EIF2AK1: variants seen among roughly 807,000 people sequenced by gnomAD.
The protein encoded by EIF2AK1 is eukaryotic translation initiation factor 2 alpha kinase 1, also known as eukaryotic translation initiation factor 2-alpha kinase 1.
EIF2AK1 carries 54 observed loss-of-function variants against 77.9 expected under a neutral mutation model. The ratio of observed to expected loss-of-function variants is 0.69; its 90% CI spans 0.56 to 0.87. The LOEUF (loss-of-function observed/expected upper bound fraction) is 0.87, where lower values mean the gene tolerates loss of function less well. EIF2AK1 is among the 40% of genes least tolerant of loss of function. The pLI is 0.00. For synonymous variants in EIF2AK1, 314 were observed against 290.5 expected (o/e 1.08, Z -0.82); for missense variants, 810 against 768.6 (o/e 1.05, Z -0.64).
chr7:6,043,456 T>G (rs908544592), intron 7 of EIF2AK1, among the ~76,000 whole-genome samples: 1 of 151,986 alleles, frequency 6.6e-6, no homozygotes, highest in Non-Finnish European at 1.5e-5. Context: ...TTTGAGGCAG[T>G]CTCGCTCTGT....
chr7:6,052,584 TAAAAA>T lies in EIF2AK1; in HGVS notation c.277+1957_277+1961del, dbSNP rs56106343. The stretch of plus-strand genomic sequence containing the variant: ...ATCTATAAGTTTGAGACTGTTTTGG[TAAAAA>T]AAAAAAAAAAAAAAAAAAGAACCTC... On this transcript the variant is annotated intron_variant, in intron 2 of 14. Coordinates refer to ENST00000199389, the MANE Select transcript of EIF2AK1 (RefSeq NM_014413.4). Among the ~76,000 whole-genome samples the T allele has an allele frequency of 6.5e-3, 635 of 97,138 alleles. 6 individuals are homozygous for T. The highest frequency in any genetic ancestry group is 0.01 in the African/African-American group (249 of 24,820). The allele number at this position is 97,138 out of a possible 152,430, so 63.7% of individuals were successfully genotyped here. A position where few individuals can be genotyped will look rare whatever the true frequency, so the allele number is the denominator to read the frequency against.
At chr7:6,040,401 G>T (rs1057312465) in intron 9 of EIF2AK1, among the ~76,000 whole-genome samples, 1 of 152,068 alleles carries the variant, frequency 6.6e-6, no homozygotes, top group African/African-American at 2.4e-5. Context: ...GGGAAAGCAT[G>T]GTGGCAGCGT....
At chr7:6,030,006 T>C (rs954885476) in intron 11 of EIF2AK1, among the ~76,000 whole-genome samples, 15 of 152,052 alleles carry the variant, frequency 9.9e-5, no homozygotes, top group South Asian at 8.3e-4. Context: ...AAGAAACGAC[T>C]GTCCTGTCGA....
intron 4 of EIF2AK1, 135 bp from the exon 5 acceptor site, chr7:6,047,226 C>A: frequency 1.0e-6 from 1 of 952,444 alleles, no homozygotes; most frequent in Non-Finnish European, 1.7e-6. Flanking sequence ...AAAGGATGGG[C>A]TAAAATGAAA....
chr7:6,026,483 A>G, intron 14 of EIF2AK1: 1 of 661,010 alleles, frequency 1.5e-6, no homozygotes. Context: ...CTCTTTGTGA[A>G]CACCAGCAGA....
Position 6,036,235 on chromosome 7 carries a change from A to AG in EIF2AK1, c.1332+1188_1332+1189insC. On this transcript the variant is annotated intron_variant, in intron 11 of 14. Transcript: ENST00000199389. This position sits in a 1 kb window ranked among gnomAD's most constrained non-coding sequence, Gnocchi z 4.6. ...CTCTTAAGGGACACCCTAATAAAGCAATCGCAAAAACCTTTATCCCTACAG... is the reference window on the plus strand; with the variant it reads ...CTCTTAAGGGACACCCTAATAAAGCAGATCGCAAAAACCTTTATCCCTACAG... The AG allele has an allele frequency of 6.5e-7, 1 of 1,550,216 alleles. No individual in the cohort carries two copies. Among genetic ancestry groups the AG allele is most frequent in the Non-Finnish European group, 8.7e-7 (1 of 1,146,876 alleles).
At chr7:6,058,901 T>C (rs778868750) in intron 1 of EIF2AK1, 65 bp downstream of exon 1, 16 of 1,401,058 alleles carry the variant, frequency 1.1e-5, no homozygotes, top group Admixed American at 5.4e-5. Context: ...AGGGCTGCCT[T>C]TGCCGCCCAG....
intron 14 of EIF2AK1, 38 bp downstream of exon 14, chr7:6,026,690 A>G: frequency 6.4e-7 from 1 of 1,563,576 alleles, no homozygotes; most frequent in Non-Finnish European, 8.8e-7. Context: ...AATAAAAACC[A>G]CCTTCACTCC....
Position 6,058,974 on chromosome 7 carries a change from TC to T in EIF2AK1, c.109del (p.Glu37AsnfsTer14). 6.5e-7 allele frequency: 1 copy of T among 1,536,912 alleles called. No homozygotes were observed. ...IDFPAEGPDPEYDESDVPAEI... is the reference protein window; with the variant it reads ...IDFPAEGPDPXYDESDVPAEI... ...GCGATCCGATCCCTCACCGTCATAT[TC>T]GGGGTCCGGGCCCTCGGCGGGAAAG... On this transcript the variant is annotated frameshift_variant, in exon 1 of 15. Coordinates refer to ENST00000199389, the MANE Select transcript of EIF2AK1 (RefSeq NM_014413.4). LOFTEE classifies it high-confidence loss of function.
intron 1 of EIF2AK1, among the ~76,000 whole-genome samples, chr7:6,057,893 G>A (rs1243716835): frequency 2.0e-5 from 3 of 152,132 alleles, no homozygotes; most frequent in Non-Finnish European, 4.4e-5. Flanking sequence ...GCCTTCCAAA[G>A]TGCTGGATTA....
intron 9 of EIF2AK1, among the ~76,000 whole-genome samples, chr7:6,039,511 C>T (rs1485077039): frequency 2.0e-5 from 3 of 151,362 alleles, no homozygotes; most frequent in Admixed American, 1.3e-4. Context: ...AATCCCACTA[C>T]TCAGGAGGCT....
At chr7:6,029,235 C>A (rs1787831838) in intron 11 of EIF2AK1, among the ~76,000 whole-genome samples, 1 of 152,192 alleles carries the variant, frequency 6.6e-6, no homozygotes, top group African/African-American at 2.4e-5. Context: ...TGCAGTGGCT[C>A]ATGCCTGTAA....
In EIF2AK1 at chr7:6,054,713, T is replaced by G; in HGVS notation, c.119-9A>C. ...TGCTGGAACATCAGATTCTAAAAAT[T>G]AAAAAGGAAAATATTTTTAAATTAA... On this transcript the variant is annotated splice_polypyrimidine_tract_variant and intron_variant, in intron 1 of 14. Coordinates refer to ENST00000199389, the MANE Select transcript of EIF2AK1 (RefSeq NM_014413.4). 1 of 1,609,534 alleles carries G rather than the reference T, an allele frequency of 6.2e-7. No homozygotes were observed.
intron 3 of EIF2AK1, 35 bp from the exon 4 acceptor site, chr7:6,048,879 G>C: frequency 6.8e-7 from 1 of 1,462,680 alleles, no homozygotes; most frequent in South Asian, 1.3e-5. Flanking sequence ...AAAGCATTTT[G>C]AAAACTTGCA....
intron 4 of EIF2AK1, chr7:6,047,986 C>T (rs986877908): frequency 6.6e-6 from 1 of 152,196 alleles, no homozygotes; most frequent in Non-Finnish European, 1.5e-5. Flanking sequence ...CTCAGCCTCC[C>T]AAGTAGCTGG....
In EIF2AK1 at chr7:6,044,609, C is replaced by A; in HGVS notation, c.683G>T (p.Gly228Val). Residue 228 changes from glycine to valine, a missense_variant, in exon 7 of 15, where the codon GGC becomes GTC. By Grantham distance (109) the Gly-to-Val change is moderately radical. Around this residue, in one of 3 missense-constraint regions of EIF2AK1, gnomAD observed 549 missense variants for 533.7 expected, o/e 1.03. Transcript: ENST00000199389. ...ATGTTCTATCCACGCGGTGTGATAGCCAACAATATTGGGGTGCTGAAGACC... is the reference window on the plus strand; with the variant it reads ...ATGTTCTATCCACGCGGTGTGATAGACAACAATATTGGGGTGCTGAAGACC... The part of the protein sequence containing the change: ...LAGLQHPNIV[G>V]YHTAWIEHVH... 2.5e-6 allele frequency: 4 copies of A among 1,614,044 alleles called. No individual in the cohort carries two copies. Among genetic ancestry groups the A allele is most frequent in the Non-Finnish European group, 3.4e-6 (4 of 1,179,996 alleles).
At chr7:6,054,213 T>TTATC (rs1011653888) in intron 2 of EIF2AK1, among the ~76,000 whole-genome samples, 1 of 151,416 alleles carries the variant, frequency 6.6e-6, no homozygotes, top group African/African-American at 2.4e-5. Flanking sequence ...CAAGCTTTAT[T>TTATC]TATTTATTTT....
chr7:6,029,601 A>T (rs948600636), intron 11 of EIF2AK1, among the ~76,000 whole-genome samples: 4 of 152,168 alleles, frequency 2.6e-5, no homozygotes, highest in Non-Finnish European at 5.9e-5. Context: ...GGCTATTCTA[A>T]ATTTGGAGAA....
intron 11 of EIF2AK1, among the ~76,000 whole-genome samples, chr7:6,029,941 C>T (rs1452827877): frequency 2.6e-5 from 4 of 151,610 alleles, no homozygotes; most frequent in African/African-American, 2.4e-5. Context: ...GATCGCATCA[C>T]TGCACTCCAG....
Sources: gnomAD v4.1 joint callset for allele counts (sites outside exome capture counted in the v4.1 genomes callset) on GRCh38, gnomAD v4.1.1 for gene constraint, gnomAD v4.1.1 regional missense constraint, Gnocchi (gnomAD v3.1) non-coding constraint, MANE v1.5 for transcripts, NCBI Gene and HGNC (gene_info 2026-07-23, HGNC 2026-07-21) for gene names.